FSD1L: variants seen among roughly 807,000 people sequenced by gnomAD.
The protein encoded by FSD1L is fibronectin type III and SPRY domain containing 1 like.
Under a neutral mutation model 71.6 loss-of-function variants are expected in FSD1L, and 45 were observed. The ratio of observed to expected loss-of-function variants is 0.63; its 90% CI spans 0.49 to 0.81. The LOEUF (loss-of-function observed/expected upper bound fraction) is 0.81. Among genes scored for constraint, FSD1L ranks in the 30% least tolerant of loss-of-function variants. The pLI is 0.00. For missense variants in FSD1L, 561 were observed against 618.1 expected, an observed-to-expected ratio of 0.91 and a Z score of 0.98; for synonymous variants, 197 against 207.2, an observed-to-expected ratio of 0.95 and a Z score of 0.42.
intron 12 of FSD1L, among the ~76,000 whole-genome samples, chr9:105,538,026 C>T (rs1836375095): frequency 6.6e-6 from 1 of 152,074 alleles, no homozygotes; most frequent in East Asian, 1.9e-4. Context: ...ATGACAGTGT[C>T]AACAGGATAG....
At chr9:105,483,023 A>T (rs182261560) in intron 6 of FSD1L, among the ~76,000 whole-genome samples, 3 of 152,336 alleles carry the variant, frequency 2.0e-5, no homozygotes, top group African/African-American at 7.2e-5. Flanking sequence ...GGCTGTAAAG[A>T]ATAACATATG....
At chr9:105,462,592 C>T (rs1381755605) in intron 2 of FSD1L, among the ~76,000 whole-genome samples, 2 of 143,034 alleles carry the variant, frequency 1.4e-5, no homozygotes, top group Admixed American at 7.2e-5. Context: ...GGTGAGATCT[C>T]GGCTCACTGC....
At chr9:105,478,078 A>G (rs1260646109) in intron 5 of FSD1L, among the ~76,000 whole-genome samples, 1 of 152,114 alleles carries the variant, frequency 6.6e-6, no homozygotes, top group South Asian at 2.1e-4. Context: ...CCCCGTCTCT[A>G]ATAAAAATAC....
chr9:105,522,948 G>T, intron 10 of FSD1L: 1 of 1,613,572 alleles, frequency 6.2e-7, no homozygotes, highest in South Asian at 1.1e-5. Flanking sequence ...TCCTGCCAGT[G>T]CAGGGAGCAG....
intron 10 of FSD1L, among the ~76,000 whole-genome samples, chr9:105,527,640 A>G (rs1177040152): frequency 6.6e-6 from 1 of 152,012 alleles, no homozygotes; most frequent in African/African-American, 2.4e-5. Flanking sequence ...CGTAGTATCT[A>G]TAATTTGTAA....
intron 10 of FSD1L, among the ~76,000 whole-genome samples, chr9:105,532,554 A>G (rs947199409): frequency 2.0e-5 from 3 of 152,156 alleles, no homozygotes; most frequent in Admixed American, 1.3e-4. Context: ...CTCAACAACT[A>G]TTCTGGAATT....
rs1297141551 is a variant in FSD1L, at chr9:105,547,127, C to T, written c.*644C>T. The T allele has an allele frequency of 6.7e-6, 1 of 150,358 alleles. No homozygotes were observed. Among genetic ancestry groups the T allele is most frequent in the Non-Finnish European group, 1.5e-5 (1 of 67,692 alleles). 9.3% of individuals were successfully genotyped at this position (150,358 alleles called of 1,614,324 possible). A position where few individuals can be genotyped will look rare whatever the true frequency, so the allele number is the denominator to read the frequency against. On this transcript the variant is annotated 3_prime_UTR_variant, in exon 14 of 14. Transcript: ENST00000481272. ...CAACAGCTTAAAATCACCCAAATTTCAGTTCTTTACCTACTGCACTAACAA... is the reference window on the plus strand; with the variant it reads ...CAACAGCTTAAAATCACCCAAATTTTAGTTCTTTACCTACTGCACTAACAA...
intron 7 of FSD1L, among the ~76,000 whole-genome samples, chr9:105,484,934 T>C (rs563846508): frequency 6.6e-6 from 1 of 152,332 alleles, no homozygotes; most frequent in East Asian, 1.9e-4. Context: ...ATATTTATAA[T>C]AGTACCTGCA....
chr9:105,540,293 A>G (rs928239720), intron 13 of FSD1L, among the ~76,000 whole-genome samples: 1 of 152,046 alleles, frequency 6.6e-6, no homozygotes, highest in East Asian at 1.9e-4. Context: ...TGAACTGGCT[A>G]TTCAGATCTT....
intron 6 of FSD1L, among the ~76,000 whole-genome samples, chr9:105,481,862 T>C (rs954383229): frequency 1.2e-4 from 18 of 151,962 alleles, no homozygotes; most frequent in African/African-American, 4.1e-4. Flanking sequence ...AGCCTGGACC[T>C]CCCTGGCTTA....
At chr9:105,489,164 C>A (rs1223632799) in intron 7 of FSD1L, among the ~76,000 whole-genome samples, 2 of 152,138 alleles carry the variant, frequency 1.3e-5, no homozygotes, top group Admixed American at 6.6e-5. Context: ...AATCTTAAAA[C>A]TGGCTGAAAT....
intron 7 of FSD1L, among the ~76,000 whole-genome samples, chr9:105,489,243 G>A (rs1832758647): frequency 6.6e-6 from 1 of 152,170 alleles, no homozygotes; most frequent in African/African-American, 2.4e-5. Flanking sequence ...GCCTACATAT[G>A]CCTTTTTTGG....
At chr9:105,541,326 A>G (rs1469054972) in intron 13 of FSD1L, among the ~76,000 whole-genome samples, 1 of 145,918 alleles carries the variant, frequency 6.9e-6, no homozygotes, top group East Asian at 2.0e-4. Flanking sequence ...AACCTCTGCC[A>G]TATTACGCAT....
chr9:105,476,123 A>G (rs1363275136), intron 5 of FSD1L, among the ~76,000 whole-genome samples: 2 of 152,224 alleles, frequency 1.3e-5, no homozygotes, highest in East Asian at 1.9e-4. Context: ...AGATTGGGAA[A>G]AGATCTGTTA....
At chr9:105,525,726 C>T (rs1417600867) in intron 10 of FSD1L, 31 of 1,603,728 alleles carry the variant, frequency 1.9e-5, no homozygotes, top group Non-Finnish European at 2.4e-5. Flanking sequence ...ACTCCATTCT[C>T]ACCAATACAG....
At chr9:105,524,921 T>C in intron 10 of FSD1L, 1 of 1,613,518 alleles carries the variant, frequency 6.2e-7, no homozygotes, top group East Asian at 2.2e-5. Flanking sequence ...AGAGTCCAAA[T>C]ATCCAGTTCT....
intron 5 of FSD1L, among the ~76,000 whole-genome samples, chr9:105,476,739 T>G (rs1216798452): frequency 1.3e-5 from 2 of 152,210 alleles, no homozygotes; most frequent in Non-Finnish European, 2.9e-5. Flanking sequence ...ATTGTGTATC[T>G]TTTGGATACC....
chr9:105,524,092 C>A, intron 10 of FSD1L: 1 of 1,611,702 alleles, frequency 6.2e-7, no homozygotes, highest in South Asian at 1.1e-5. Flanking sequence ...GTATTAAGCT[C>A]GGCAAGAGAT....
chr9:105,446,293 T>A (rs567475363), upstream of FSD1L, among the ~76,000 whole-genome samples: 1 of 152,212 alleles, frequency 6.6e-6, no homozygotes, highest in Non-Finnish European at 1.5e-5. Flanking sequence ...TATACTCAGG[T>A]CATTTCCAAG....
Sources: gnomAD v4.1 joint callset for allele counts (sites outside exome capture counted in the v4.1 genomes callset) on GRCh38, gnomAD v4.1.1 for gene constraint, MANE v1.5 for transcripts, NCBI Gene and HGNC (gene_info 2026-07-23, HGNC 2026-07-21) for gene names.